CACNB2: variants seen among roughly 807,000 people sequenced by gnomAD.
CACNB2 encodes calcium voltage-gated channel auxiliary subunit beta 2.
In CACNB2, 42 loss-of-function variants were observed where a neutral mutation model predicts 73.3. That is an observed-to-expected ratio of 0.57 (90% CI 0.45 to 0.74). The LOEUF (loss-of-function observed/expected upper bound fraction) is 0.74, where lower values mean the gene tolerates loss of function less well. CACNB2 is among the 30% of genes least tolerant of loss of function. The pLI is 0.00. For missense variants in CACNB2, 940 were observed against 853.0 expected (o/e 1.10, Z -1.27); for synonymous variants, 348 against 310.3 (o/e 1.12, Z -1.28).
intron 2 of CACNB2, among the ~76,000 whole-genome samples, chr10:18,288,908 G>A (rs2038926854): frequency 6.6e-6 from 1 of 152,106 alleles, no homozygotes; most frequent in Non-Finnish European, 1.5e-5. Context: ...AGCCGGGCAT[G>A]GCAGCACATG....
chr10:18,245,290 G>A (rs937140970), intron 2 of CACNB2, among the ~76,000 whole-genome samples: 14 of 152,096 alleles, frequency 9.2e-5, no homozygotes, highest in Non-Finnish European at 2.1e-4. Context: ...ACTGCTGTAA[G>A]GAAACCTGCA....
intron 2 of CACNB2, among the ~76,000 whole-genome samples, chr10:18,277,143 A>T (rs1243690060): frequency 6.6e-6 from 1 of 152,138 alleles, no homozygotes; most frequent in African/African-American, 2.4e-5. Context: ...ATGGAGGGTC[A>T]TGGCAAGCCA....
At chr10:18,365,289 T>G (rs2042302831) in intron 2 of CACNB2, among the ~76,000 whole-genome samples, 2 of 152,242 alleles carry the variant, frequency 1.3e-5, no homozygotes, top group Non-Finnish European at 1.5e-5. Context: ...TATTTACCCC[T>G]CTGGCCTTGA....
rs1051659999 is a variant in CACNB2, at chr10:18,276,859, G to A, written c.214-125065G>A. On this transcript the variant is annotated intron_variant, in intron 2 of 13. Coordinates refer to ENST00000324631, the MANE Select transcript of CACNB2 (RefSeq NM_201596.3). ...CTCCCAAAGCGCTAGGATTAAAGGCGTGAGCCACCACACCCGGCCTTGCAG... is the reference window on the plus strand; with the variant it reads ...CTCCCAAAGCGCTAGGATTAAAGGCATGAGCCACCACACCCGGCCTTGCAG... 8.6e-5 allele frequency among the ~76,000 whole-genome samples: 13 copies of A among 151,992 alleles called. No homozygotes were observed. The East Asian group carries it at 1.7e-3, about 20-fold the overall frequency.
At chr10:18,295,998 GTTTTTTTT>G (rs34043231) in intron 2 of CACNB2, among the ~76,000 whole-genome samples, 17 of 60,760 alleles carry the variant, frequency 2.8e-4, no homozygotes, top group African/African-American at 1.0e-3. Context: ...CTTTTTGCGT[GTTTTTTTT>G]TTTTTTTTTT....
chr10:18,420,712 G>C (rs1454855014), intron 3 of CACNB2, among the ~76,000 whole-genome samples: 2 of 152,146 alleles, frequency 1.3e-5, no homozygotes, highest in African/African-American at 4.8e-5. Flanking sequence ...ACCCTGTGGT[G>C]CAATCAAGTT....
intron 2 of CACNB2, among the ~76,000 whole-genome samples, chr10:18,353,714 T>C (rs900552894): frequency 6.6e-5 from 10 of 152,216 alleles, no homozygotes; most frequent in African/African-American, 2.4e-4. Context: ...CAATCCAATT[T>C]GAGAGTATAA....
At chr10:18,215,670 T>A (rs905597466) in intron 2 of CACNB2, among the ~76,000 whole-genome samples, 1 of 152,208 alleles carries the variant, frequency 6.6e-6, no homozygotes, top group South Asian at 2.1e-4. Flanking sequence ...ATACTTGGGA[T>A]GTCCTGAATA....
In CACNB2 at chr10:18,485,802, C is replaced by T. The variant is rs566541468; in HGVS notation, c.334-12553C>T. Among the ~76,000 whole-genome samples the T allele has an allele frequency of 1.5e-4, 23 of 151,864 alleles. 1 individual carries two copies. The highest frequency in any genetic ancestry group is 3.4e-3 in the Middle Eastern group (1 of 294). On this transcript the variant is annotated intron_variant, in intron 3 of 13. Coordinates refer to ENST00000324631, the MANE Select transcript of CACNB2 (RefSeq NM_201596.3). ...TTCACCATGTTGGCCAGGCTGCTCT[C>T]GAACTCCTGACCTCAAGTGATCTGC...
chr10:18,492,633 A>AG (rs1554830133), intron 3 of CACNB2, among the ~76,000 whole-genome samples: 15 of 130,502 alleles, frequency 1.1e-4, no homozygotes, highest in East Asian at 2.3e-4. Flanking sequence ...AAAAAAAAAA[A>AG]AAAAAGAAAA....
chr10:18,165,956 G>C (rs1468731894), intron 2 of CACNB2, among the ~76,000 whole-genome samples: 1 of 152,124 alleles, frequency 6.6e-6, no homozygotes, highest in Non-Finnish European at 1.5e-5. Context: ...TTGTGTTCAT[G>C]TTAGATTTTA....
intron 2 of CACNB2, among the ~76,000 whole-genome samples, chr10:18,271,663 C>G (rs2038058701): frequency 6.6e-6 from 1 of 152,158 alleles, no homozygotes; most frequent in Admixed American, 6.6e-5. Flanking sequence ...TAGCCGTTCT[C>G]TGAAGCAGCC....
chr10:18,283,542 C>A (rs2038649869), intron 2 of CACNB2, among the ~76,000 whole-genome samples: 1 of 151,986 alleles, frequency 6.6e-6, no homozygotes, highest in Non-Finnish European at 1.5e-5. Flanking sequence ...AAGCTGGAAA[C>A]CATCATTCTG....
chr10:18,352,522 T>G (rs566057255), intron 2 of CACNB2, among the ~76,000 whole-genome samples: 1 of 152,228 alleles, frequency 6.6e-6, no homozygotes, highest in Non-Finnish European at 1.5e-5. Context: ...TAACATGGTT[T>G]AAAAGCATTC....
At chr10:18,208,077 T>TA (rs1463001003) in intron 2 of CACNB2, among the ~76,000 whole-genome samples, 1 of 152,184 alleles carries the variant, frequency 6.6e-6, no homozygotes, top group African/African-American at 2.4e-5. Flanking sequence ...AGAGGAACTA[T>TA]AAAAACACTT....
chr10:18,378,342 A>G (rs941437277), intron 2 of CACNB2, among the ~76,000 whole-genome samples: 5 of 152,240 alleles, frequency 3.3e-5, no homozygotes, highest in Non-Finnish European at 7.3e-5. Flanking sequence ...ACACTGACAC[A>G]GCCTGACATT....
At chr10:18,451,987 CCT>C (rs2047043774) in intron 3 of CACNB2, among the ~76,000 whole-genome samples, 1 of 152,166 alleles carries the variant, frequency 6.6e-6, no homozygotes, top group Admixed American at 6.5e-5. Flanking sequence ...GGTGACCCAA[CCT>C]CCCATCTGGC....
chr10:18,309,044 C>T (rs757867046), intron 2 of CACNB2, among the ~76,000 whole-genome samples: 7 of 151,986 alleles, frequency 4.6e-5, no homozygotes, highest in Admixed American at 2.0e-4. Context: ...TGATGCTGTC[C>T]TTCTCCCCTC....
chr10:18,452,608 A>G (rs531056304), intron 3 of CACNB2, among the ~76,000 whole-genome samples: 2 of 152,310 alleles, frequency 1.3e-5, no homozygotes, highest in African/African-American at 2.4e-5. Context: ...CAGTAGCACA[A>G]TCATAGCTCC....
Sources: gnomAD v4.1 joint callset for allele counts (sites outside exome capture counted in the v4.1 genomes callset) on GRCh38, gnomAD v4.1.1 for gene constraint, MANE v1.5 for transcripts, NCBI Gene and HGNC (gene_info 2026-07-23, HGNC 2026-07-21) for gene names.